Variants in ITPR1 observed in about 807,000 individuals in gnomAD.
ITPR1 encodes the protein inositol 1,4,5-trisphosphate receptor type 1.
Under a neutral mutation model 318.4 loss-of-function variants are expected in ITPR1, and 96 were observed. The ratio of observed to expected loss-of-function variants is 0.30; its 90% confidence interval spans 0.26 to 0.36. The LOEUF is 0.36. ITPR1 is among the 10% of genes least tolerant of loss of function. The pLI is 1.00. For synonymous variants in ITPR1, 1,312 were observed against 1,289.9 expected (o/e 1.02, Z -0.37); for missense variants, 2,440 against 3,460.2 (o/e 0.71, Z 7.40).
At position 4,775,327 on chromosome 3, in the gene ITPR1, C is replaced by T; in HGVS notation, c.6065C>T (p.Thr2022Ile). The T allele has an allele frequency of 6.2e-7, 1 of 1,613,512 alleles. No individual in the cohort carries two copies. The highest frequency in any genetic ancestry group is 8.5e-7 in the Non-Finnish European group (1 of 1,179,424). Reference sequence around the variant, plus strand: ...TTTCTGGACTGTATTTGTGGAAGCACAACTGGAGGCCTTGGTCTTCTGGGC... The same window carrying T: ...TTTCTGGACTGTATTTGTGGAAGCATAACTGGAGGCCTTGGTCTTCTGGGC... ...LQFLDCICGS[T>I]TGGLGLLGLY... The change falls in exon 47 of 62, where the codon ACA becomes ATA. Residue 2022 changes from threonine to isoleucine, a missense_variant. Physicochemically the swap from Thr to Ile is moderately conservative, Grantham distance 89 (BLOSUM62 -1). Around this residue, in one of 23 missense-constraint regions of ITPR1, gnomAD observed 76 missense variants for 162.1 expected, o/e 0.47. Coordinates refer to ENST00000649015, the MANE Select transcript of ITPR1 (RefSeq NM_001378452.1).
At chr3:4,806,442 T>C (rs2048559045) in intron 55 of ITPR1, among the ~76,000 whole-genome samples, 175 bp downstream of exon 55, 1 of 150,200 alleles carries the variant, frequency 6.7e-6, no homozygotes, top group Non-Finnish European at 1.5e-5. Context: ...TCCACAGGAA[T>C]TGGGTCAGCC....
chr3:4,722,180 T>G (rs1382871946), intron 40 of ITPR1, among the ~76,000 whole-genome samples: 3 of 152,182 alleles, frequency 2.0e-5, no homozygotes, highest in African/African-American at 7.2e-5. Context: ...TTCTATTAAG[T>G]TAGGTTTTGC....
At chr3:4,623,309 C>T (rs2092708432) in intron 4 of ITPR1, among the ~76,000 whole-genome samples, 3 of 152,224 alleles carry the variant, frequency 2.0e-5, no homozygotes, top group African/African-American at 4.8e-5. Flanking sequence ...CCTGCTTCAA[C>T]CCCTTTATTC....
At position 4,807,169 on chromosome 3, in the gene ITPR1, ACAAAGAGAGGGGGG is replaced by A. The variant is rs1264197557; in HGVS notation, c.7272+904_7272+917del. 2.1e-3 allele frequency among the ~76,000 whole-genome samples: 55 copies of A among 26,270 alleles called. 5 individuals are homozygous for A. In the South Asian group the frequency reaches 0.097, roughly 46 times the overall value. 17.2% of individuals were successfully genotyped at this position (26,270 alleles called of 152,430 possible). ...GGGACTTACAAAGAGAGGGGGGCTT[ACAAAGAGAGGGGGG>A]CTTACAAAAGGCAGAGCAAGGGAAG... On this transcript the variant is annotated intron_variant, in intron 55 of 61. Coordinates refer to ENST00000649015, the MANE Select transcript of ITPR1 (RefSeq NM_001378452.1).
At chr3:4,518,858 C>T (rs891903138) in intron 3 of ITPR1, among the ~76,000 whole-genome samples, 1 of 152,130 alleles carries the variant, frequency 6.6e-6, no homozygotes, top group African/African-American at 2.4e-5. Flanking sequence ...TCCTTTGAGA[C>T]CAGGAGCTCA....
At chr3:4,606,531 G>T (rs944957494) in intron 4 of ITPR1, among the ~76,000 whole-genome samples, 8 of 152,082 alleles carry the variant, frequency 5.3e-5, no homozygotes, top group African/African-American at 1.9e-4. Flanking sequence ...CTCCAGAGAT[G>T]ATTTTGAGGA....
At position 4,846,688 on chromosome 3, in the gene ITPR1, A is replaced by ACTT. The variant is rs1421988191; in HGVS notation, c.*464_*466dup. On this transcript the variant is annotated 3_prime_UTR_variant, in exon 62 of 62. Transcript: ENST00000649015. ...GTTAATACTATGTAATAAATGGTTA[A>ACTT]CTTTCAAATGATGCTGCTGCCAAAA... 1 of 152,734 alleles carries ACTT rather than the reference A, an allele frequency of 6.5e-6. No homozygotes were observed. Among genetic ancestry groups the ACTT allele is most frequent in the Non-Finnish European group, 1.5e-5 (1 of 68,122 alleles). 9.5% of individuals were successfully genotyped at this position (152,734 alleles called of 1,614,324 possible). A position where few individuals can be genotyped will look rare whatever the true frequency, so the allele number is the denominator to read the frequency against.
chr3:4,732,664 G>A lies in ITPR1; in HGVS notation c.5221-424G>A, dbSNP rs2043008121. On this transcript the variant is annotated intron_variant, in intron 42 of 61. Coordinates refer to ENST00000649015, the MANE Select transcript of ITPR1 (RefSeq NM_001378452.1). Reference sequence around the variant, plus strand: ...TTGTATCATCTTATTCTATTACCCTGATATCTTAATATTTTTTCGGACCTT... The same window carrying A: ...TTGTATCATCTTATTCTATTACCCTAATATCTTAATATTTTTTCGGACCTT... Among the ~76,000 whole-genome samples the A allele has an allele frequency of 2.6e-5, 4 of 152,204 alleles. 1 individual carries two copies. In the South Asian group the frequency reaches 8.3e-4, roughly 32 times the overall value.
intron 9 of ITPR1, 54 bp downstream of exon 9, chr3:4,645,524 A>G (rs1410646390): frequency 1.2e-6 from 2 of 1,605,376 alleles, no homozygotes; most frequent in East Asian, 2.2e-5. Context: ...TGGGGGCAGC[A>G]GTCTAATTCT....
chr3:4,661,997 C>G, intron 14 of ITPR1, 85 bp from the exon 15 acceptor site: 2 of 1,177,828 alleles, frequency 1.7e-6, no homozygotes, highest in South Asian at 1.5e-5. Context: ...TGGGATCAGC[C>G]AGTGTCTCGT....
chr3:4,736,656 C>T (rs1282651640), intron 44 of ITPR1, among the ~76,000 whole-genome samples: 1 of 152,218 alleles, frequency 6.6e-6, no homozygotes, highest in East Asian at 1.9e-4. Flanking sequence ...GAGTCGTACA[C>T]GTTGGGATTG....
chr3:4,689,660 A>G (rs888903776), intron 31 of ITPR1, among the ~76,000 whole-genome samples: 6 of 152,232 alleles, frequency 3.9e-5, no homozygotes, highest in Non-Finnish European at 8.8e-5. Context: ...TAAAAAGATT[A>G]AAGCCACCAC....
chr3:4,766,629 A>C lies in ITPR1; in HGVS notation c.5644A>C (p.Thr1882Pro). The change falls in exon 45 of 62, where the codon ACA becomes CCA. Residue 1882 changes from threonine to proline, a missense_variant. Thr to Pro is a conservative substitution (Grantham distance 38, BLOSUM62 -1). Around this residue, in one of 23 missense-constraint regions of ITPR1, gnomAD observed 80 missense variants for 122.0 expected, o/e 0.66. Transcript: ENST00000649015. ...MKVAQQEIKA[T>P]VTVNTSDLGN... is the part of the protein sequence containing the mutation. ...GGTGGCCCAGCAAGAAATCAAAGCA[A>C]CAGTGACAGTGAACACCAGTGACTT... The C allele has an allele frequency of 6.2e-7, 1 of 1,613,906 alleles. No individual in the cohort carries two copies. Among genetic ancestry groups the C allele is most frequent in the Non-Finnish European group, 8.5e-7 (1 of 1,179,786 alleles).
At chr3:4,521,788 T>A (rs1290453007) in intron 4 of ITPR1, among the ~76,000 whole-genome samples, 3 of 152,206 alleles carry the variant, frequency 2.0e-5, no homozygotes, top group Non-Finnish European at 4.4e-5. Flanking sequence ...GAGGATCACC[T>A]GAGCCTGGGA....
chr3:4,836,809 C>T lies in ITPR1; in HGVS notation c.8064C>T (p.Ala2688=), dbSNP rs1277828834. The T allele has an allele frequency of 6.8e-7, 1 of 1,479,560 alleles. No individual in the cohort carries two copies. Among genetic ancestry groups the T allele is most frequent in the Middle Eastern group, 1.8e-4 (1 of 5,562 alleles). The allele number at this position is 1,479,560 out of a possible 1,614,324, so 91.7% of individuals were successfully genotyped here. ...RNLDWFPRMR[A]MSLVSSDSEG... is the part of the protein sequence containing the mutation. Reference sequence around the variant, plus strand: ...TTGACTGGTTCCCCAGGATGAGAGCCATGTCATTGGTCAGCAGTGATTCTG... The same window carrying T: ...TTGACTGGTTCCCCAGGATGAGAGCTATGTCATTGGTCAGCAGTGATTCTG... The change falls in exon 61 of 62, where the codon GCC becomes GCT. Residue 2688 remains alanine, a synonymous_variant. Transcript: ENST00000649015.
At chr3:4,545,708 T>G (rs539443817) in intron 4 of ITPR1, among the ~76,000 whole-genome samples, 1 of 149,220 alleles carries the variant, frequency 6.7e-6, no homozygotes, top group African/African-American at 2.5e-5. Context: ...TTTTTTTTTT[T>G]TTTTTTAAAG....
At chr3:4,796,309 T>TA (rs1553750155) in intron 53 of ITPR1, among the ~76,000 whole-genome samples, 2 of 151,622 alleles carry the variant, frequency 1.3e-5, no homozygotes, top group Non-Finnish European at 2.9e-5. Context: ...ATTTTTTTTT[T>TA]AATGTCATGT....
chr3:4,666,532 C>T (rs1205979593), intron 17 of ITPR1, among the ~76,000 whole-genome samples: 2 of 152,168 alleles, frequency 1.3e-5, no homozygotes, highest in African/African-American at 4.8e-5. Context: ...TAGTTGTTTT[C>T]GGATCCTTTA....
intron 4 of ITPR1, among the ~76,000 whole-genome samples, chr3:4,606,138 T>C (rs1040953127): frequency 3.3e-5 from 5 of 152,180 alleles, no homozygotes; most frequent in Non-Finnish European, 7.3e-5. Flanking sequence ...TCTGATTATG[T>C]CATACAGGTT....
Sources: gnomAD v4.1 joint callset for allele counts (sites outside exome capture counted in the v4.1 genomes callset) on GRCh38, gnomAD v4.1.1 for gene constraint, gnomAD v4.1.1 regional missense constraint, MANE v1.5 for transcripts, NCBI Gene and HGNC (gene_info 2026-07-23, HGNC 2026-07-21) for gene names.